Variants in ATXN7L1 observed in about 807,000 individuals in gnomAD.
ATXN7L1 encodes ataxin-7-like protein 1.
A neutral mutation model predicts 70.8 loss-of-function variants in ATXN7L1; 15 were observed. The observed-to-expected ratio is 0.21, with a 90% CI of 0.14 to 0.33. ATXN7L1 has a LOEUF of 0.33. Among genes scored for constraint, ATXN7L1 ranks in the 10% least tolerant of loss-of-function variants. The probability of loss-of-function intolerance (pLI) is 1.00; values close to 1 mark genes in which losing one functional copy is unlikely to be tolerated. For synonymous variants in ATXN7L1, 440 were observed against 445.1 expected, an observed-to-expected ratio of 0.99 and a Z score of 0.14; for missense variants, 975 against 1,097.1, an observed-to-expected ratio of 0.89 and a Z score of 1.57.
intron 2 of ATXN7L1, among the ~76,000 whole-genome samples, chr7:105,823,475 C>T (rs1158109425): frequency 6.6e-6 from 1 of 152,160 alleles, no homozygotes; most frequent in East Asian, 1.9e-4. Context: ...TACTCTGTGG[C>T]ATTCAAGAGC....
intron 3 of ATXN7L1, among the ~76,000 whole-genome samples, chr7:105,715,023 C>T (rs575690761): frequency 2.0e-5 from 3 of 152,246 alleles, no homozygotes; most frequent in East Asian, 1.9e-4. Context: ...CTTGAGGGTG[C>T]GTGTGTGGTG....
intron 3 of ATXN7L1, among the ~76,000 whole-genome samples, chr7:105,785,038 C>T (rs1193146946): frequency 2.0e-5 from 3 of 152,212 alleles, no homozygotes; most frequent in African/African-American, 7.2e-5. Flanking sequence ...TGGCAGTTAA[C>T]CACAGGGTGT....
chr7:105,652,634 A>AG (rs1263969716), intron 4 of ATXN7L1, among the ~76,000 whole-genome samples: 1 of 152,196 alleles, frequency 6.6e-6, no homozygotes, highest in African/African-American at 2.4e-5. Flanking sequence ...ACAGTCCTGG[A>AG]GGAAACCCTG....
At chr7:105,716,457 C>G (rs1490256316) in intron 3 of ATXN7L1, among the ~76,000 whole-genome samples, 2 of 151,870 alleles carry the variant, frequency 1.3e-5, no homozygotes, top group African/African-American at 4.8e-5. Context: ...AGATGCTGGC[C>G]CAGAAAAACA....
At chr7:105,616,219 C>T (rs180722908) in intron 9 of ATXN7L1, among the ~76,000 whole-genome samples, 2 of 152,328 alleles carry the variant, frequency 1.3e-5, no homozygotes, top group East Asian at 1.9e-4. Flanking sequence ...GGCTAGAACA[C>T]GTGCAAGACA....
At chr7:105,626,359 G>A (rs1795693441) in intron 7 of ATXN7L1, among the ~76,000 whole-genome samples, 1 of 152,222 alleles carries the variant, frequency 6.6e-6, no homozygotes, top group Non-Finnish European at 1.5e-5. Flanking sequence ...GTTGGAAGGA[G>A]CGGGGAATAG....
chr7:105,876,270 AC>A, intron 1 of ATXN7L1, 107 bp downstream of exon 1: 1 of 1,331,048 alleles, frequency 7.5e-7, no homozygotes, highest in East Asian at 2.5e-5. Context: ...AGCATGGAGG[AC>A]ACCGGGGGCC....
chr7:105,838,405 T>A (rs1712534029), intron 2 of ATXN7L1, among the ~76,000 whole-genome samples: 1 of 152,212 alleles, frequency 6.6e-6, no homozygotes, highest in African/African-American at 2.4e-5. Context: ...AGCATTTCAA[T>A]CATTCACTTT....
intron 3 of ATXN7L1, among the ~76,000 whole-genome samples, chr7:105,695,973 G>C (rs549097871): frequency 1.3e-5 from 2 of 152,156 alleles, no homozygotes; most frequent in African/African-American, 4.8e-5. Flanking sequence ...TGAAGGCTTG[G>C]GGGGCCAAGA....
At chr7:105,848,153 T>C (rs1026474529) in intron 2 of ATXN7L1, among the ~76,000 whole-genome samples, 3 of 152,242 alleles carry the variant, frequency 2.0e-5, no homozygotes, top group African/African-American at 4.8e-5. Context: ...ATGTTCAACC[T>C]TATTAGTAAT....
rs563097813 is a variant in ATXN7L1 at position 105,711,673 on chromosome 7, T to C, written c.356-46385A>G. ...GGGGTCCTAAGGGCTTGGGCAGCTC[T>C]GCCCTGGTGACTCTGCAGGGTACAA... On this transcript the variant is annotated intron_variant, in intron 3 of 11. Coordinates refer to ENST00000419735, the MANE Select transcript of ATXN7L1 (RefSeq NM_020725.2). Among the ~76,000 whole-genome samples the C allele has an allele frequency of 4.9e-4, 74 of 152,252 alleles. 1 individual carries two copies. Among genetic ancestry groups the C allele is most frequent in the Non-Finnish European group, 9.0e-4 (61 of 68,036 alleles).
chr7:105,845,515 CTTTT>C (rs61110572), intron 2 of ATXN7L1, among the ~76,000 whole-genome samples: 2 of 138,534 alleles, frequency 1.4e-5, no homozygotes. Context: ...AGTACCCAGT[CTTTT>C]TTTTTTTTTT....
intron 4 of ATXN7L1, among the ~76,000 whole-genome samples, chr7:105,645,682 G>A (rs971949473): frequency 3.3e-5 from 5 of 151,528 alleles, no homozygotes; most frequent in African/African-American, 9.7e-5. Flanking sequence ...GCGTGGCAGC[G>A]GGCGCCTGTA....
chr7:105,750,596 G>A (rs908038157), intron 3 of ATXN7L1, among the ~76,000 whole-genome samples: 7 of 148,290 alleles, frequency 4.7e-5, no homozygotes, highest in East Asian at 2.1e-4. Flanking sequence ...GAGGTCAGGC[G>A]TTCGAGACCA....
At chr7:105,874,813 T>G (rs1818788092) in intron 2 of ATXN7L1, among the ~76,000 whole-genome samples, 1 of 152,232 alleles carries the variant, frequency 6.6e-6, no homozygotes, top group African/African-American at 2.4e-5. Flanking sequence ...TCCCTTTTTA[T>G]GAGGGGGACC....
rs765241551 is a variant in ATXN7L1, at chr7:105,620,339, T to A, written c.1396-18A>T. 1.5e-4 allele frequency: 232 copies of A among 1,529,884 alleles called. No individual in the cohort carries two copies. The highest frequency in any genetic ancestry group is 3.4e-4 in the Middle Eastern group (2 of 5,880). The allele number at this position is 1,529,884 out of a possible 1,614,324, so 94.8% of individuals were successfully genotyped here. On this transcript the variant is annotated intron_variant, in intron 8 of 11. Coordinates refer to ENST00000419735, the MANE Select transcript of ATXN7L1 (RefSeq NM_020725.2). The stretch of plus-strand genomic sequence containing the variant: ...GAGCAAAACTGTGAGGAAAAAAAAA[T>A]TTTAATTTTGATTACAGGTTAATAA...
At chr7:105,772,647 T>A (rs1802172148) in intron 3 of ATXN7L1, among the ~76,000 whole-genome samples, 1 of 152,070 alleles carries the variant, frequency 6.6e-6, no homozygotes, top group Non-Finnish European at 1.5e-5. Context: ...AAGCAAAAGG[T>A]GTCAGAGTTA....
intron 2 of ATXN7L1, among the ~76,000 whole-genome samples, chr7:105,804,828 T>C (rs1194399950): frequency 6.6e-6 from 1 of 152,146 alleles, no homozygotes; most frequent in East Asian, 1.9e-4. Context: ...TGGCTCCCAG[T>C]CTCACAGTTT....
intron 2 of ATXN7L1, among the ~76,000 whole-genome samples, chr7:105,806,113 T>C (rs1411458985): frequency 5.9e-5 from 9 of 152,060 alleles, no homozygotes; most frequent in Admixed American, 5.9e-4. Context: ...TGGCTTGGCC[T>C]ACCAGGAAGA....
Sources: gnomAD v4.1 joint callset for allele counts (sites outside exome capture counted in the v4.1 genomes callset) on GRCh38, gnomAD v4.1.1 for gene constraint, MANE v1.5 for transcripts, NCBI Gene and HGNC (gene_info 2026-07-23, HGNC 2026-07-21) for gene names.